BFSP1: variants seen among roughly 807,000 people sequenced by gnomAD.
The protein encoded by BFSP1 is filensin.
In BFSP1, 38 loss-of-function variants were observed where a neutral mutation model predicts 43.9. The observed-to-expected ratio is 0.87, with a 90% confidence interval of 0.67 to 1.14. The LOEUF (loss-of-function observed/expected upper bound fraction) is 1.14, where lower values mean the gene tolerates loss of function less well. BFSP1 is among the 50% of genes most tolerant of loss of function. The pLI is 0.00. For synonymous variants in BFSP1, 352 were observed against 354.8 expected, an observed-to-expected ratio of 0.99 and a Z score of 0.09; for missense variants, 850 against 875.1, an observed-to-expected ratio of 0.97 and a Z score of 0.36.
Position 17,495,028 on chromosome 20 carries a change from A to C in BFSP1, c.1044T>G (p.Asp348Glu). The change falls in exon 8 of 8, where the codon GAT becomes GAG. Residue 348 changes from aspartate (D) to glutamate (E), a missense_variant and splice_region_variant. Coordinates refer to ENST00000377873, the MANE Select transcript of BFSP1 (RefSeq NM_001195.5). Reference protein sequence around the residue: ...VSLSTGSGGKDLTRALQDITA... With the variant: ...VSLSTGSGGKELTRALQDITA... ...TTATATCCTGCAGAGCTCTGGTAAG[A>C]TCTGGAAAAACACACAGGCAGAAAT... is the stretch of plus-strand genomic sequence containing the variant. 6.3e-7 allele frequency: 1 copy of C among 1,598,202 alleles called. No homozygotes were observed. The highest frequency in any genetic ancestry group is 8.5e-7 in the Non-Finnish European group (1 of 1,173,666).
rs1014091432 is a variant in BFSP1 at position 17,567,776 on chromosome 20, G to A, written n.50+1395C>T. Among the ~76,000 whole-genome samples the A allele has an allele frequency of 1.4e-4, 22 of 151,740 alleles. No homozygotes were observed. In the East Asian group the frequency reaches 2.5e-3, roughly 17 times the overall value. Reference sequence around the variant, plus strand: ...CTCGGGAGGTTGAGGCAGGAGAATCGCTTGAACCCGAGAGGCGGAGGTTGC... The same window carrying A: ...CTCGGGAGGTTGAGGCAGGAGAATCACTTGAACCCGAGAGGCGGAGGTTGC... On this transcript the variant is annotated intron_variant and non_coding_transcript_variant, in intron 1 of 6. Coordinates refer to the BFSP1 transcript ENST00000473415.
intron 5 of BFSP1, among the ~76,000 whole-genome samples, chr20:17,499,906 G>A (rs1211448526): frequency 6.6e-6 from 1 of 152,150 alleles, no homozygotes; most frequent in African/African-American, 2.4e-5. Flanking sequence ...GGGCAACAGA[G>A]CAAGACTCTG....
upstream of BFSP1, among the ~76,000 whole-genome samples, chr20:17,535,269 G>A (rs1454240174): frequency 1.3e-5 from 2 of 152,066 alleles, no homozygotes; most frequent in Admixed American, 6.5e-5. Flanking sequence ...GGTGGCTCAC[G>A]CCTGTAATCC....
intron 1 of BFSP1, among the ~76,000 whole-genome samples, chr20:17,556,047 T>C (rs1012458003): frequency 3.3e-5 from 5 of 152,112 alleles, no homozygotes; most frequent in African/African-American, 1.2e-4. Context: ...ATGGTAAAAA[T>C]GACATTTTAT....
exon 1 of BFSP1, chr20:17,558,797 A>G: frequency 6.7e-7 from 1 of 1,499,980 alleles, no homozygotes; most frequent in South Asian, 1.3e-5. Flanking sequence ...CAGGACTCCA[A>G]AACCCTCTCC....
Position 17,517,765 on chromosome 20 carries a change from C to T in BFSP1, c.439-2949G>A, listed in dbSNP as rs370979607. ...TTTTCAGATGAGGTCTTTGAAACTG[C>T]TGTGTATTTTACACTCATAACACAT... On this transcript the variant is annotated intron_variant, in intron 2 of 7. Coordinates refer to ENST00000377873, the MANE Select transcript of BFSP1 (RefSeq NM_001195.5). 6.9e-4 allele frequency among the ~76,000 whole-genome samples: 105 copies of T among 152,326 alleles called. No individual in the cohort carries two copies. The South Asian group carries it at 0.014, about 20-fold the overall frequency.
intron 5 of BFSP1, among the ~76,000 whole-genome samples, chr20:17,501,921 G>A (rs1387309015): frequency 6.6e-6 from 1 of 152,236 alleles, no homozygotes; most frequent in Non-Finnish European, 1.5e-5. Flanking sequence ...ACACATGAAC[G>A]GGTCTGAGGC....
At chr20:17,497,352 G>A (rs1235284677) in intron 6 of BFSP1, among the ~76,000 whole-genome samples, 1 of 150,942 alleles carries the variant, frequency 6.6e-6, no homozygotes, top group South Asian at 2.1e-4. Flanking sequence ...TTGCCTTTTT[G>A]ATTTTTTTAG....
At chr20:17,564,050 G>A (rs1600690241) in intron 1 of BFSP1, among the ~76,000 whole-genome samples, 1 of 151,976 alleles carries the variant, frequency 6.6e-6, no homozygotes, top group Non-Finnish European at 1.5e-5. Context: ...ATAGAAATTG[G>A]GGCCAGGTGT....
At position 17,494,640 on chromosome 20, in the gene BFSP1, T is replaced by C; in HGVS notation, c.1432A>G (p.Asn478Asp). Residue 478 changes from asparagine (N) to aspartate (D), a missense_variant, in exon 8 of 8, where the codon AAT becomes GAT. Asn to Asp is a conservative substitution (Grantham distance 23, BLOSUM62 1). Coordinates refer to ENST00000377873, the MANE Select transcript of BFSP1 (RefSeq NM_001195.5). ...ERHVLVTGDANYVDPRFYVSS... is the reference protein window; with the variant it reads ...ERHVLVTGDADYVDPRFYVSS... ...ACATAGAATCTAGGGTCCACGTAAT[T>C]GGCATCCCCTGTGACCAGCACGTGC... The C allele has an allele frequency of 6.2e-7, 1 of 1,614,172 alleles. No homozygotes were observed. Among genetic ancestry groups the C allele is most frequent in the South Asian group, 1.1e-5 (1 of 91,072 alleles).
At chr20:17,549,022 G>A (rs1447897440) in intron 1 of BFSP1, among the ~76,000 whole-genome samples, 3 of 152,100 alleles carry the variant, frequency 2.0e-5, no homozygotes, top group African/African-American at 7.2e-5. Context: ...TGTTGCCCAG[G>A]CTGGTCTCAA....
chr20:17,556,514 T>C (rs1348272681), intron 1 of BFSP1, among the ~76,000 whole-genome samples: 1 of 151,892 alleles, frequency 6.6e-6, no homozygotes, highest in Admixed American at 6.6e-5. Flanking sequence ...AAGAAAAAAT[T>C]AAAAATAATA....
In BFSP1 at chr20:17,494,145, C is replaced by A; in HGVS notation, c.1927G>T (p.Ala643Ser). The A allele has an allele frequency of 6.2e-7, 1 of 1,614,164 alleles. No homozygotes were observed. The highest frequency in any genetic ancestry group is 2.2e-5 in the East Asian group (1 of 44,882). ...CCAATCATGGTCTCCACGATCACAG[C>A]GGTTTCTTCATATGTCTGAATGCTC... Reference protein sequence around the residue: ...TESIQTYEETAVIVETMIGKT... With the variant: ...TESIQTYEETSVIVETMIGKT... Residue 643 changes from alanine to serine, a missense_variant, in exon 8 of 8, where the codon GCT (alanine) becomes TCT (serine). Transcript: ENST00000377873.
rs533830509 is a variant in BFSP1, at chr20:17,564,584, ACTT to A, written n.51-1492_51-1490del. On this transcript the variant is annotated intron_variant and non_coding_transcript_variant, in intron 1 of 6. Coordinates refer to the BFSP1 transcript ENST00000473415. ...ACTTCTTTGATTCATTTAAACTACT[ACTT>A]CTTCTTCTTCTTTTTTTTTGAGAAG... is the stretch of plus-strand genomic sequence containing the variant. 5.2e-3 allele frequency among the ~76,000 whole-genome samples: 783 copies of A among 151,664 alleles called. 9 individuals are homozygous for A. The highest frequency in any genetic ancestry group is 0.022 in the Admixed American group (336 of 15,178).
intron 1 of BFSP1, among the ~76,000 whole-genome samples, chr20:17,567,626 C>T (rs983695560): frequency 2.0e-5 from 3 of 152,086 alleles, no homozygotes; most frequent in Non-Finnish European, 4.4e-5. Context: ...CTTTGGGAGG[C>T]CAAGGTGGCC....
upstream of BFSP1, among the ~76,000 whole-genome samples, chr20:17,535,259 G>A (rs756503519): frequency 2.8e-4 from 42 of 152,214 alleles, no homozygotes; most frequent in Admixed American, 7.2e-4. Context: ...GGCTGGGCAC[G>A]GTGGCTCACG....
In BFSP1 at chr20:17,508,491, G is replaced by A. The variant is rs559768789; in HGVS notation, c.735+398C>T. Among the ~76,000 whole-genome samples, 4 of 152,324 alleles carry A rather than the reference G, an allele frequency of 2.6e-5. No homozygotes were observed. The East Asian group carries it at 5.8e-4, about 22-fold the overall frequency. On this transcript the variant is annotated intron_variant, in intron 5 of 7. Coordinates refer to ENST00000377873, the MANE Select transcript of BFSP1 (RefSeq NM_001195.5). ...AACAGAAGCACAGATTTGAACAAGTGGAGGATAAAAATCCCTATGGTGTCC... is the reference window on the plus strand; with the variant it reads ...AACAGAAGCACAGATTTGAACAAGTAGAGGATAAAAATCCCTATGGTGTCC...
chr20:17,540,192 T>C (rs2123558226), intron 1 of BFSP1, among the ~76,000 whole-genome samples: 2 of 151,972 alleles, frequency 1.3e-5, no homozygotes, highest in Admixed American at 1.3e-4. Flanking sequence ...GTTCATTTGG[T>C]AAGGAGCTAC....
upstream of BFSP1, among the ~76,000 whole-genome samples, chr20:17,534,643 A>G (rs1259319003): frequency 6.6e-6 from 1 of 152,242 alleles, no homozygotes; most frequent in East Asian, 1.9e-4. Context: ...ATGGTATTCT[A>G]TAAAAATGTT....
Sources: allele counts gnomAD v4.1 joint callset (sites outside exome capture counted in the v4.1 genomes callset), GRCh38; gene constraint gnomAD v4.1.1; transcripts MANE v1.5; gene names NCBI Gene and HGNC (gene_info 2026-07-23, HGNC 2026-07-21).